EZR: variants seen among roughly 807,000 people sequenced by gnomAD.
EZR encodes the protein ezrin.
Under a neutral mutation model 74.8 loss-of-function variants are expected in EZR, and 40 were observed. The observed-to-expected ratio is 0.53, with a 90% CI of 0.42 to 0.70. The LOEUF is 0.70. EZR is among the 30% of genes least tolerant of loss of function. The pLI, the probability that EZR is intolerant of heterozygous loss-of-function variation, is 0.00. For synonymous variants in EZR, 341 were observed against 283.3 expected (o/e 1.20, Z -2.05); for missense variants, 678 against 755.8 (o/e 0.90, Z 1.21).
At chr6:158,803,395 A>G (rs973557498) in intron 2 of EZR, among the ~76,000 whole-genome samples, 3 of 151,150 alleles carry the variant, frequency 2.0e-5, no homozygotes, top group African/African-American at 7.3e-5. Flanking sequence ...TCTGGTAATC[A>G]GCTACCAAAA....
intron 8 of EZR, among the ~76,000 whole-genome samples, chr6:158,772,944 A>G (rs1264442203): frequency 1.3e-5 from 2 of 152,180 alleles, no homozygotes. Context: ...AGGTGATGCC[A>G]AGCCCTGAGA....
intron 2 of EZR, among the ~76,000 whole-genome samples, chr6:158,795,836 G>C (rs1777059251): frequency 6.6e-6 from 1 of 152,190 alleles, no homozygotes. Context: ...GGAATCACTG[G>C]AAGGCAAGAG....
chr6:158,811,907 A>G (rs1278298024), intron 2 of EZR, among the ~76,000 whole-genome samples: 1 of 139,606 alleles, frequency 7.2e-6, no homozygotes, highest in African/African-American at 2.6e-5. Flanking sequence ...TTTCATTAAC[A>G]AAAGAGGCCA....
chr6:158,796,253 C>G (rs113137394), intron 2 of EZR, among the ~76,000 whole-genome samples: 385 of 152,342 alleles, frequency 2.5e-3, no homozygotes, highest in African/African-American at 8.7e-3. Context: ...GGCAGACACA[C>G]GACAGCACAG....
intron 7 of EZR, among the ~76,000 whole-genome samples, chr6:158,778,787 C>A (rs1791349695): frequency 6.6e-6 from 1 of 152,148 alleles, no homozygotes; most frequent in African/African-American, 2.4e-5. Flanking sequence ...AAATCTCAAA[C>A]AACCTGAGCA....
chr6:158,818,000 C>A (rs1395794253), intron 2 of EZR, 82 bp downstream of exon 2: 3 of 1,417,176 alleles, frequency 2.1e-6, no homozygotes, highest in Middle Eastern at 1.8e-4. Flanking sequence ...TCCCCAGGAA[C>A]TGCCCCAACA....
At chr6:158,770,252 C>T (rs1315978385) in intron 10 of EZR, among the ~76,000 whole-genome samples, 1 of 152,246 alleles carries the variant, frequency 6.6e-6, no homozygotes, top group East Asian at 1.9e-4. Context: ...GTCCACACTC[C>T]ACTCAGAACA....
rs908197573 is a variant in EZR at position 158,766,714 on chromosome 6, C to CT, written c.*199dup. 8.1e-6 allele frequency: 5 copies of CT among 616,330 alleles called. No individual in the cohort carries two copies. The highest frequency in any genetic ancestry group is 1.8e-5 in the African/African-American group (1 of 54,474). 38.2% of individuals were successfully genotyped at this position (616,330 alleles called of 1,614,324 possible). On this transcript the variant is annotated 3_prime_UTR_variant, in exon 14 of 14. Transcript: ENST00000367075. ...AGAATAATCGCGAGAATCAGGCCTG[C>CT]TTGGCACTATTACAACTGGGGAAAA...
chr6:158,787,436 G>A (rs758940125), intron 3 of EZR, among the ~76,000 whole-genome samples: 5 of 152,164 alleles, frequency 3.3e-5, no homozygotes, highest in Non-Finnish European at 7.3e-5. Flanking sequence ...AGCAGATTCA[G>A]GGTTCTACCT....
At chr6:158,784,249 A>G (rs879503604) in intron 6 of EZR, among the ~76,000 whole-genome samples, 12 of 152,314 alleles carry the variant, frequency 7.9e-5, no homozygotes, top group Non-Finnish European at 1.3e-4. Context: ...AGCATTTCTC[A>G]CTTGGGATCC....
intron 7 of EZR, among the ~76,000 whole-genome samples, chr6:158,779,927 T>TA (rs140090820): frequency 0.78 from 117,977 of 151,842 alleles, 47,717 homozygotes; most frequent in African/African-American, 0.91. Context: ...CTTACACCTG[T>TA]ATCCCAGCAC....
rs189405843 is a variant in EZR, at chr6:158,785,800, C to A, written c.193-217G>T. On this transcript the variant is annotated intron_variant, in intron 4 of 13. Transcript: ENST00000367075. ...GTGGCTCATGCCTATAATCCCAGTG[C>A]TTTGGGAGGCCAAGGCAGGAGGATC... 2.0e-3 allele frequency among the ~76,000 whole-genome samples: 298 copies of A among 152,262 alleles called. 1 individual carries two copies. The highest frequency in any genetic ancestry group is 6.9e-3 in the African/African-American group (287 of 41,548).
rs375043853 is a variant in EZR, at chr6:158,767,423, G to A, written c.1434C>T (p.Tyr478=). The A allele has an allele frequency of 2.8e-4, 449 of 1,611,170 alleles. 1 individual carries two copies. Among genetic ancestry groups the A allele is most frequent in the South Asian group, 1.4e-3 (127 of 91,024 alleles). The change falls in exon 13 of 14, where the codon TAC becomes TAT. Residue 478 remains tyrosine (Y), a synonymous_variant. Coordinates refer to ENST00000367075, the MANE Select transcript of EZR (RefSeq NM_001111077.2). ...TAPPPPPPPV[Y]EPVSYHVQES... ...CCTGGACATGGTAGCTCACCGGCTC[G>A]TACACGGGGGGTGGTGGGGGCGGGG...
chr6:158,767,603 C>T, intron 12 of EZR, 91 bp from the exon 13 acceptor site: 1 of 1,371,952 alleles, frequency 7.3e-7, no homozygotes, highest in Admixed American at 2.3e-5. Flanking sequence ...TCTGTCCTGG[C>T]AGGCTAAGGC....
At chr6:158,803,575 ATATATACATATATATATATAT>A (rs1777248811) in intron 2 of EZR, among the ~76,000 whole-genome samples, 1 of 13,054 alleles carries the variant, frequency 7.7e-5, no homozygotes, top group Non-Finnish European at 1.5e-4. Flanking sequence ...ATATATATAT[ATATATACATATATATATATAT>A]ATATATATAC....
intron 8 of EZR, among the ~76,000 whole-genome samples, chr6:158,771,724 C>CT (rs1056828405): frequency 6.6e-6 from 1 of 152,208 alleles, no homozygotes; most frequent in Non-Finnish European, 1.5e-5. Context: ...TGAAATGCCA[C>CT]TGCACGTTAA....
At chr6:158,792,736 A>G (rs953987240) in intron 2 of EZR, among the ~76,000 whole-genome samples, 5 of 150,260 alleles carry the variant, frequency 3.3e-5, no homozygotes, top group African/African-American at 4.9e-5. Context: ...AATGGCATCA[A>G]CCCGGGAGGT....
chr6:158,775,692 T>C (rs1000996190), intron 8 of EZR, among the ~76,000 whole-genome samples: 2 of 152,252 alleles, frequency 1.3e-5, no homozygotes, highest in South Asian at 2.1e-4. Context: ...AGATTTCTGA[T>C]TAGATAACAA....
At chr6:158,769,252 C>G in intron 12 of EZR, 74 bp downstream of exon 12, 1 of 1,341,318 alleles carries the variant, frequency 7.5e-7, no homozygotes. Context: ...CACCCACCTG[C>G]AGAAGGGCCC....
Sources: gnomAD v4.1 joint callset for allele counts (sites outside exome capture counted in the v4.1 genomes callset) on GRCh38, gnomAD v4.1.1 for gene constraint, MANE v1.5 for transcripts, NCBI Gene and HGNC (gene_info 2026-07-23, HGNC 2026-07-21) for gene names.